PAPSS1: variants seen among roughly 807,000 people sequenced by gnomAD.
PAPSS1 encodes the protein bifunctional 3'-phosphoadenosine 5'-phosphosulfate synthase 1.
PAPSS1 carries 50 observed loss-of-function variants against 72.0 expected under a neutral mutation model. The ratio of observed to expected loss-of-function variants is 0.69; its 90% CI spans 0.55 to 0.88. The LOEUF is 0.88. PAPSS1 is among the 40% of genes least tolerant of loss of function. The pLI is 0.00. For missense variants in PAPSS1, 657 were observed against 782.2 expected (o/e 0.84, Z 1.91); for synonymous variants, 261 against 263.6 (o/e 0.99, Z 0.09).
At chr4:107,617,225 C>T (rs368956131) in intron 11 of PAPSS1, among the ~76,000 whole-genome samples, 4,853 of 111,690 alleles carry the variant, frequency 0.043, 250 homozygotes, top group African/African-American at 0.15. Flanking sequence ...TTTTTTTTTT[C>T]ACCACCGGCC....
chr4:107,658,561 C>T (rs760069556), intron 6 of PAPSS1, among the ~76,000 whole-genome samples: 22 of 152,128 alleles, frequency 1.4e-4, no homozygotes, highest in Non-Finnish European at 2.4e-4. Context: ...TTTAACTAAG[C>T]ATACAGCAGT....
At chr4:107,666,472 T>G (rs913260623) in intron 5 of PAPSS1, among the ~76,000 whole-genome samples, 6 of 152,168 alleles carry the variant, frequency 3.9e-5, no homozygotes, top group Non-Finnish European at 7.4e-5. Flanking sequence ...AAATGCAGTC[T>G]TTATATGAAT....
intron 5 of PAPSS1, among the ~76,000 whole-genome samples, chr4:107,677,570 A>G (rs1478010246): frequency 1.3e-5 from 2 of 152,210 alleles, no homozygotes; most frequent in Non-Finnish European, 2.9e-5. Flanking sequence ...AAATAGGAAC[A>G]CTTTTACACT....
intron 2 of PAPSS1, among the ~76,000 whole-genome samples, chr4:107,697,624 A>T (rs532368525): frequency 6.1e-4 from 93 of 152,250 alleles, no homozygotes; most frequent in Non-Finnish European, 1.1e-3. Flanking sequence ...TGAATTACTG[A>T]TATAAACAGT....
At chr4:107,681,974 A>G (rs1722628635) in intron 5 of PAPSS1, 41 bp downstream of exon 5, 1 of 970,336 alleles carries the variant, frequency 1.0e-6, no homozygotes, top group Non-Finnish European at 1.6e-6. Flanking sequence ...TGAGAGAGAT[A>G]TAATTTTTCT....
rs1725750289 is a variant in PAPSS1, at chr4:107,613,729, A to G, written c.*520T>C. Reference sequence around the variant, plus strand: ...TCATTCAGAGCTTACACAGATCATAAGAATACTTTAGATTATAACAGCTGG... The same window carrying G: ...TCATTCAGAGCTTACACAGATCATAGGAATACTTTAGATTATAACAGCTGG... On this transcript the variant is annotated 3_prime_UTR_variant, in exon 12 of 12. Transcript: ENST00000265174. 6.6e-6 allele frequency: 1 copy of G among 152,252 alleles called. No homozygotes were observed. Among genetic ancestry groups the G allele is most frequent in the Non-Finnish European group, 1.5e-5 (1 of 68,062 alleles). 9.4% of individuals were successfully genotyped at this position (152,252 alleles called of 1,614,324 possible).
At position 107,653,553 on chromosome 4, in the gene PAPSS1, C is replaced by A. The variant is rs749669823; in HGVS notation, c.1175G>T (p.Gly392Val). The A allele has an allele frequency of 6.2e-7, 1 of 1,612,568 alleles. No homozygotes were observed. Among genetic ancestry groups the A allele is most frequent in the East Asian group, 2.2e-5 (1 of 44,776 alleles). The change falls in exon 9 of 12, where the codon GGT (glycine) becomes GTT (valine). Residue 392 changes from glycine to valine, a missense_variant. Transcript: ENST00000265174. ...QVLDRVYWNDGLDQYRLTPTE... is the reference protein window; with the variant it reads ...QVLDRVYWNDVLDQYRLTPTE... The stretch of plus-strand genomic sequence containing the variant: ...AGGAGTAAGACGATACTGATCAAGA[C>A]CATCATTCCAATAAACTCGATCCAA...
intron 2 of PAPSS1, among the ~76,000 whole-genome samples, chr4:107,696,430 G>T (rs536165499): frequency 2.6e-4 from 40 of 152,280 alleles, no homozygotes; most frequent in Middle Eastern, 3.4e-3. Context: ...GCAGGGACAT[G>T]GACGGAGCTG....
intron 1 of PAPSS1, among the ~76,000 whole-genome samples, chr4:107,708,224 A>G (rs1011028801): frequency 1.3e-5 from 2 of 152,230 alleles, no homozygotes; most frequent in Admixed American, 6.5e-5. Context: ...CAATAAACTG[A>G]TGAAGCAAAT....
intron 11 of PAPSS1, among the ~76,000 whole-genome samples, chr4:107,618,002 T>C (rs1020753671): frequency 5.9e-5 from 9 of 152,136 alleles, no homozygotes; most frequent in Non-Finnish European, 1.3e-4. Context: ...AGCAAGGCTA[T>C]GAGAGAAGAG....
At chr4:107,707,774 T>C (rs115921800) in intron 1 of PAPSS1, among the ~76,000 whole-genome samples, 2 of 152,350 alleles carry the variant, frequency 1.3e-5, no homozygotes, top group African/African-American at 2.4e-5. Context: ...TGTGCAAGAA[T>C]AGTTGTTCAA....
At chr4:107,698,830 C>A (rs1723137194) in intron 2 of PAPSS1, among the ~76,000 whole-genome samples, 1 of 152,136 alleles carries the variant, frequency 6.6e-6, no homozygotes, top group Non-Finnish European at 1.5e-5. Flanking sequence ...TGCTTCCATT[C>A]TGAAATACAC....
chr4:107,678,712 C>A (rs1393288899), intron 5 of PAPSS1, among the ~76,000 whole-genome samples: 2 of 152,180 alleles, frequency 1.3e-5, no homozygotes, highest in African/African-American at 4.8e-5. Flanking sequence ...CACTCACAAG[C>A]ATGCCTATGG....
At chr4:107,705,535 A>G (rs1578435539) in intron 1 of PAPSS1, among the ~76,000 whole-genome samples, 1 of 152,212 alleles carries the variant, frequency 6.6e-6, no homozygotes, top group African/African-American at 2.4e-5. Context: ...TCTTTTCTTT[A>G]TAGTTTACCT....
chr4:107,640,841 C>A (rs1453928139), intron 10 of PAPSS1, among the ~76,000 whole-genome samples: 1 of 152,188 alleles, frequency 6.6e-6, no homozygotes, highest in Non-Finnish European at 1.5e-5. Flanking sequence ...ATCTCTTACG[C>A]TCACAATTCA....
chr4:107,707,906 G>A (rs1397899471), intron 1 of PAPSS1, among the ~76,000 whole-genome samples: 1 of 152,088 alleles, frequency 6.6e-6, no homozygotes, highest in Middle Eastern at 3.2e-3. Flanking sequence ...CAACTTCCAT[G>A]AGATTAAGGA....
intron 1 of PAPSS1, among the ~76,000 whole-genome samples, chr4:107,717,780 C>G (rs1435624006): frequency 6.6e-6 from 1 of 152,178 alleles, no homozygotes; most frequent in African/African-American, 2.4e-5. Flanking sequence ...AACCTTTCTC[C>G]CCACTTCCCA....
chr4:107,689,953 G>A (rs972647382), intron 3 of PAPSS1, among the ~76,000 whole-genome samples: 4 of 152,056 alleles, frequency 2.6e-5, no homozygotes, highest in African/African-American at 9.7e-5. Context: ...CAGCAATCAA[G>A]CAGGCACCAG....
chr4:107,696,838 G>A (rs1163088460), intron 2 of PAPSS1, among the ~76,000 whole-genome samples: 4 of 152,268 alleles, frequency 2.6e-5, no homozygotes, highest in East Asian at 1.9e-4. Context: ...GTAGCCAGCT[G>A]CATTTTCCAA....
Sources: gnomAD v4.1 joint callset for allele counts (sites outside exome capture counted in the v4.1 genomes callset) on GRCh38, gnomAD v4.1.1 for gene constraint, MANE v1.5 for transcripts, NCBI Gene and HGNC (gene_info 2026-07-23, HGNC 2026-07-21) for gene names.